Variants in ACSF3 observed in about 807,000 individuals in gnomAD.
The protein encoded by ACSF3 is acyl-CoA synthetase family member 3.
ACSF3 carries 78 observed loss-of-function variants against 53.2 expected under a neutral mutation model. The observed-to-expected ratio is 1.47, with a 90% CI of 1.22 to 1.77. The LOEUF is 1.77. Ranked by LOEUF, ACSF3 falls within the 40% of genes most tolerant of loss-of-function variation. ACSF3 has a pLI of 0.00. For synonymous variants in ACSF3, 414 were observed against 333.1 expected (o/e 1.24, Z -2.65); for missense variants, 937 against 771.1 (o/e 1.22, Z -2.55).
chr16:89,144,156 G>A lies in ACSF3; in HGVS notation c.1367-1111G>A, dbSNP rs571299108. Among the ~76,000 whole-genome samples the A allele has an allele frequency of 5.9e-5, 9 of 152,334 alleles. No homozygotes were observed. In the East Asian group the frequency reaches 7.7e-4, roughly 13 times the overall value. On this transcript the variant is annotated intron_variant, in intron 8 of 10. Coordinates refer to ENST00000614302, the MANE Select transcript of ACSF3 (RefSeq NM_001243279.3). ...TGCGTCATGAGACAGCTTCGGGCTG[G>A]GAGTACAGGCTCTGAGGCTGCAGCC...
chr16:89,139,608 T>G (rs1250188360), intron 8 of ACSF3, among the ~76,000 whole-genome samples: 1 of 148,716 alleles, frequency 6.7e-6, no homozygotes, highest in Non-Finnish European at 1.5e-5. Context: ...TTTTTTTTTT[T>G]TTCGAGACAG....
At chr16:89,096,173 C>A (rs1192847099) in intron 1 of ACSF3, among the ~76,000 whole-genome samples, 1 of 152,186 alleles carries the variant, frequency 6.6e-6, no homozygotes, top group Non-Finnish European at 1.5e-5. Context: ...CCTTGCCCAG[C>A]CACGTGGTGA....
At chr16:89,107,157 G>A (rs1976085083) in intron 4 of ACSF3, among the ~76,000 whole-genome samples, 1 of 152,212 alleles carries the variant, frequency 6.6e-6, no homozygotes, top group Non-Finnish European at 1.5e-5. Context: ...GCCCTTCAGG[G>A]GGCCTCCAGG....
At chr16:89,147,523 GC>G (rs1442550394) in intron 10 of ACSF3, 1 of 53,082 alleles carries the variant, frequency 1.9e-5, no homozygotes, top group Non-Finnish European at 4.0e-5. Context: ...CACAGAGTGA[GC>G]GGGGGGGGGG....
chr16:89,098,842 G>T (rs1974928933), intron 2 of ACSF3, 79 bp downstream of exon 2: 23 of 449,692 alleles, frequency 5.1e-5, no homozygotes, highest in South Asian at 3.4e-4. Flanking sequence ...ACAGAGTGTG[G>T]TTGAGGCAAA....
In ACSF3 at chr16:89,102,668, T is replaced by A; in HGVS notation, c.731T>A (p.Leu244Gln). The change falls in exon 4 of 11, where the codon CTG becomes CAG. Residue 244 changes from leucine (L) to glutamine (Q), a missense_variant. Transcript: ENST00000614302. Reference sequence around the variant, plus strand: ...GACGTGATCCTCCACGTGCTCCCGCTGCACCACGTCCATGGTGTGGTCAAC... The same window carrying A: ...GACGTGATCCTCCACGTGCTCCCGCAGCACCACGTCCATGGTGTGGTCAAC... Reference protein sequence around the residue: ...KDDVILHVLPLHHVHGVVNAL... With the variant: ...KDDVILHVLPQHHVHGVVNAL... 6.2e-7 allele frequency: 1 copy of A among 1,613,904 alleles called. No individual in the cohort carries two copies. The highest frequency in any genetic ancestry group is 8.5e-7 in the Non-Finnish European group (1 of 1,180,032).
chr16:89,145,254 C>T lies in ACSF3; in HGVS notation c.1367-13C>T, dbSNP rs140859425. 6.2e-7 allele frequency: 1 copy of T among 1,613,676 alleles called. No individual in the cohort carries two copies. The highest frequency in any genetic ancestry group is 8.5e-7 in the Non-Finnish European group (1 of 1,179,876). On this transcript the variant is annotated splice_polypyrimidine_tract_variant and intron_variant, in intron 8 of 10. Transcript: ENST00000614302. ...TTAAGGATGGCCAGTTAACCAGAGC[C>T]CCTTTTCCTCAGGGGACACCGTGGT...
rs574362722 is a variant in ACSF3 at position 89,153,831 on chromosome 16, G to A, written c.1614-259G>A. 54 of 529,074 alleles carry A rather than the reference G, an allele frequency of 1.0e-4. No homozygotes were observed. In the East Asian group the frequency reaches 1.0e-3, roughly 10 times the overall value. 32.8% of individuals were successfully genotyped at this position (529,074 alleles called of 1,614,324 possible). ...CAGGCCTATCCTCAGGTGTGCCCTC[G>A]CCCAAGGCCTGCACGCACCATGGCT... On this transcript the variant is annotated intron_variant, in intron 10 of 10. Transcript: ENST00000614302.
chr16:89,124,294 G>A lies in ACSF3; in HGVS notation c.1239+3381G>A, dbSNP rs548414174. ...ACGATGTCATAGGACGAGGGGGCGC[G>A]TGTGCACACTGCATATATGTGTGTG... On this transcript the variant is annotated intron_variant, in intron 7 of 10. Transcript: ENST00000614302. Among the ~76,000 whole-genome samples the A allele has an allele frequency of 2.8e-4, 42 of 152,306 alleles. No homozygotes were observed. In the South Asian group the frequency reaches 4.6e-3, roughly 17 times the overall value.
intron 10 of ACSF3, chr16:89,149,640 T>C (rs1369170531): frequency 6.6e-6 from 1 of 152,226 alleles, no homozygotes; most frequent in East Asian, 1.9e-4. Context: ...AAGAATTTTA[T>C]TGAGCAATGA....
intron 10 of ACSF3, chr16:89,150,589 G>C (rs1204375678): frequency 4.4e-6 from 1 of 226,826 alleles, no homozygotes; most frequent in African/African-American, 2.3e-5. Flanking sequence ...GCATTGTTTG[G>C]GCTATGACAG....
At chr16:89,132,132 C>T (rs1179217059) in intron 7 of ACSF3, among the ~76,000 whole-genome samples, 2 of 152,280 alleles carry the variant, frequency 1.3e-5, no homozygotes. Flanking sequence ...CCTTTCTCCA[C>T]ATCAGATCAG....
At chr16:89,138,136 G>T (rs1911001479) in intron 8 of ACSF3, among the ~76,000 whole-genome samples, 1 of 152,188 alleles carries the variant, frequency 6.6e-6, no homozygotes, top group African/African-American at 2.4e-5. Flanking sequence ...AGGCACTGTG[G>T]AGGCCAAGTG....
In ACSF3 at chr16:89,138,830, CAT is replaced by C. The variant is rs1186206017; in HGVS notation, c.1366+5569_1366+5570del. Among the ~76,000 whole-genome samples, 9 of 152,378 alleles carry C rather than the reference CAT, an allele frequency of 5.9e-5. No individual in the cohort carries two copies. The East Asian group carries it at 1.7e-3, about 29-fold the overall frequency. Reference sequence around the variant, plus strand: ...CTTAGCCTGGGTTCCCTAGAAAACACATGAGGACTCTGGGCAGAGGCTGAGTG... The same window carrying C: ...CTTAGCCTGGGTTCCCTAGAAAACACGAGGACTCTGGGCAGAGGCTGAGTG... On this transcript the variant is annotated intron_variant, in intron 8 of 10. Coordinates refer to ENST00000614302, the MANE Select transcript of ACSF3 (RefSeq NM_001243279.3).
intron 8 of ACSF3, among the ~76,000 whole-genome samples, chr16:89,138,234 G>T (rs868167956): frequency 6.6e-6 from 1 of 152,240 alleles, no homozygotes; most frequent in Non-Finnish European, 1.5e-5. Flanking sequence ...CTGAGCCCCA[G>T]GCCTGATGGC....
intron 4 of ACSF3, among the ~76,000 whole-genome samples, chr16:89,104,389 C>T (rs1975724293): frequency 6.6e-6 from 1 of 152,216 alleles, no homozygotes; most frequent in African/African-American, 2.4e-5. Context: ...TCCCGGCCAG[C>T]AGAGGCACAG....
intron 6 of ACSF3, 23 bp downstream of exon 6, chr16:89,114,510 C>T (rs535320649): frequency 8.7e-6 from 14 of 1,608,606 alleles, no homozygotes; most frequent in Admixed American, 3.3e-5. Flanking sequence ...CCCACAGCTG[C>T]GTTCCTCTTC....
rs387907118 is a variant in ACSF3 at position 89,146,003 on chromosome 16, C to T, written c.1567C>T (p.Arg523Ter). Reference sequence around the variant, plus strand: ...GCGGGTCACTGCTGTGGTGACCCTCCGAGAAGGACACTCACTGTCCCACAG... The same window carrying T: ...GCGGGTCACTGCTGTGGTGACCCTCTGAGAAGGACACTCACTGTCCCACAG... ...GQRVTAVVTL[R>*]EGHSLSHREL... Residue 523 changes from arginine to a stop codon, truncating the protein, a stop_gained, in exon 10 of 11, where the codon CGA becomes TGA. Coordinates refer to ENST00000614302, the MANE Select transcript of ACSF3 (RefSeq NM_001243279.3). LOFTEE classifies it high-confidence loss of function. 1.8e-5 allele frequency: 29 copies of T among 1,606,720 alleles called. No homozygotes were observed. Among genetic ancestry groups the T allele is most frequent in the Middle Eastern group, 3.3e-4 (2 of 6,046 alleles).
At chr16:89,124,287 G>A (rs1907440516) in intron 7 of ACSF3, among the ~76,000 whole-genome samples, 1 of 152,176 alleles carries the variant, frequency 6.6e-6, no homozygotes, top group Non-Finnish European at 1.5e-5. Flanking sequence ...ATAGGACGAG[G>A]GGGCGCGTGT....
Sources: allele counts gnomAD v4.1 joint callset (sites outside exome capture counted in the v4.1 genomes callset), GRCh38; gene constraint gnomAD v4.1.1; transcripts MANE v1.5; gene names NCBI Gene and HGNC (gene_info 2026-07-23, HGNC 2026-07-21).